The following MS4A8 variants were observed in gnomAD, a reference collection of about 807,000 sequenced individuals.
The protein encoded by MS4A8 is membrane spanning 4-domains A8.
In MS4A8, 27 loss-of-function variants were observed where a neutral mutation model predicts 23.7. That is an observed-to-expected ratio of 1.14 (90% CI 0.84 to 1.57). MS4A8 has a LOEUF of 1.57. Among genes scored for constraint, MS4A8 ranks in the 40% most tolerant of loss-of-function variants. The pLI is 0.00. For synonymous variants in MS4A8, 138 were observed against 126.3 expected, an observed-to-expected ratio of 1.09 and a Z score of -0.62; for missense variants, 301 against 311.4, an observed-to-expected ratio of 0.97 and a Z score of 0.25.
At chr11:60,704,919 C>T (rs2088243251) in intron 3 of MS4A8, among the ~76,000 whole-genome samples, 1 of 151,908 alleles carries the variant, frequency 6.6e-6, no homozygotes, top group African/African-American at 2.4e-5. Context: ...CCTTCTCCTC[C>T]CCTCTCCACC....
chr11:60,707,768 G>A (rs1490867987), intron 4 of MS4A8, among the ~76,000 whole-genome samples: 2 of 150,902 alleles, frequency 1.3e-5, no homozygotes, highest in Non-Finnish European at 3.0e-5. Flanking sequence ...GGGACAAATA[G>A]GTCAAGTGTT....
chr11:60,708,533 C>A, intron 4 of MS4A8, 117 bp from the exon 5 acceptor site: 1 of 1,062,486 alleles, frequency 9.4e-7, no homozygotes, highest in Non-Finnish European at 1.3e-6. Flanking sequence ...TTTTATGTTA[C>A]ATATATGTTA....
intron 5 of MS4A8, among the ~76,000 whole-genome samples, chr11:60,714,791 G>A (rs1441786259): frequency 6.6e-6 from 1 of 151,980 alleles, no homozygotes; most frequent in Non-Finnish European, 1.5e-5. Flanking sequence ...CCCTAAACAT[G>A]GTCATCTTTT....
rs2088199914 is a variant in MS4A8, at chr11:60,701,074, T to C, written c.214T>C (p.Leu72=). The C allele has an allele frequency of 1.9e-6, 3 of 1,613,976 alleles. No homozygotes were observed. The highest frequency in any genetic ancestry group is 2.5e-6 in the Non-Finnish European group (3 of 1,179,938). ...VQKALKEGKT[L]GAIQIIIGLA... ...GAAAGCTCTGAAAGAAGGCAAAACC[T>C]TGGGGGTAAGTGAGATTTCCCTTTG... is the stretch of plus-strand genomic sequence containing the variant. The change falls in exon 2 of 7, where the codon TTG becomes CTG. Residue 72 remains leucine, a synonymous_variant. Coordinates refer to ENST00000300226, the MANE Select transcript of MS4A8 (RefSeq NM_031457.2).
intron 2 of MS4A8, 67 bp from the exon 3 acceptor site, chr11:60,703,311 G>A (rs1206780315): frequency 1.4e-6 from 2 of 1,436,980 alleles, no homozygotes; most frequent in East Asian, 2.7e-5. Context: ...AAAATTAAAA[G>A]GAGGCTCATA....
At chr11:60,707,828 T>G (rs1415099764) in intron 4 of MS4A8, among the ~76,000 whole-genome samples, 1,667 of 138,564 alleles carry the variant, frequency 0.012, 32 homozygotes, top group African/African-American at 0.043. Context: ...TTTTTTTTTT[T>G]TTTTTTTGTG....
chr11:60,711,785 G>A, intron 5 of MS4A8: 1 of 455,982 alleles, frequency 2.2e-6, no homozygotes, highest in South Asian at 1.5e-5. Flanking sequence ...CTGGAGTAGA[G>A]GGAGCAGCAA....
intron 5 of MS4A8, among the ~76,000 whole-genome samples, chr11:60,712,998 G>A (rs971857593): frequency 6.6e-6 from 1 of 152,118 alleles, no homozygotes; most frequent in African/African-American, 2.4e-5. Context: ...TTGGGTAACA[G>A]CAAATGGAGG....
rs1004631172 is a variant in MS4A8 at position 60,712,548 on chromosome 11, C to T, written c.535-2473C>T. 1.1e-5 allele frequency: 11 copies of T among 960,696 alleles called. No homozygotes were observed. The Admixed American group carries it at 6.8e-4, about 59-fold the overall frequency. The allele number at this position is 960,696 out of a possible 1,614,324, so 59.5% of individuals were successfully genotyped here. A position where few individuals can be genotyped will look rare whatever the true frequency, so the allele number is the denominator to read the frequency against. On this transcript the variant is annotated intron_variant, in intron 5 of 6. Transcript: ENST00000300226. ...GTGGCTCACACCTGTAATCCCAGCA[C>T]TTTGGGAGACCGAGGCAGGTGGATC...
chr11:60,715,174 C>CA (rs35061730), intron 6 of MS4A8, 40 bp downstream of exon 6: 1 of 1,546,944 alleles, frequency 6.5e-7, no homozygotes, highest in South Asian at 1.1e-5. Context: ...AAGATGCCCC[C>CA]AAAAAGGTGG....
intron 3 of MS4A8, among the ~76,000 whole-genome samples, chr11:60,703,740 G>T (rs2052640096): frequency 6.6e-6 from 1 of 152,214 alleles, no homozygotes; most frequent in Non-Finnish European, 1.5e-5. Flanking sequence ...TTATCTCACA[G>T]TTCTGGCGGC....
intron 5 of MS4A8, among the ~76,000 whole-genome samples, chr11:60,714,579 G>A (rs1020816032): frequency 9.9e-5 from 15 of 151,988 alleles, no homozygotes; most frequent in Non-Finnish European, 4.4e-5. Context: ...TTCACAGGAG[G>A]CCTTTTCCTG....
intron 5 of MS4A8, among the ~76,000 whole-genome samples, chr11:60,710,440 A>G (rs1018392007): frequency 6.6e-6 from 1 of 152,148 alleles, no homozygotes; most frequent in African/African-American, 2.4e-5. Context: ...TGGAGTCGTC[A>G]TTGACCCTGT....
chr11:60,700,758 T>C lies in MS4A8; in HGVS notation c.-1-102T>C, dbSNP rs972301455. ...TTGTAACATGGGATTCATAAACTTG[T>C]AGAGGGTTAAGATGCTCCAATGAGC... On this transcript the variant is annotated intron_variant, in intron 1 of 6. Transcript: ENST00000300226. 8.1e-6 allele frequency: 9 copies of C among 1,114,044 alleles called. No homozygotes were observed. The African/African-American group carries it at 9.2e-5, about 11-fold the overall frequency. The allele number at this position is 1,114,044 out of a possible 1,614,324, so 69.0% of individuals were successfully genotyped here.
chr11:60,710,432 G>T lies in MS4A8; in HGVS notation c.534+1651G>T, dbSNP rs540156811. ...TCCAGTTGCTCGGGACAAAACCTTG[G>T]AGTCGTCATTGACCCTGTCTTTCTC... On this transcript the variant is annotated intron_variant, in intron 5 of 6. Transcript: ENST00000300226. Among the ~76,000 whole-genome samples, 3 of 152,228 alleles carry T rather than the reference G, an allele frequency of 2.0e-5. No homozygotes were observed. The South Asian group carries it at 6.2e-4, about 32-fold the overall frequency.
chr11:60,713,480 T>C, intron 5 of MS4A8, among the ~76,000 whole-genome samples: 1 of 152,224 alleles, frequency 6.6e-6, no homozygotes, highest in Non-Finnish European at 1.5e-5. Context: ...TGCTGTGCTT[T>C]TGATGTGCAT....
intron 5 of MS4A8, among the ~76,000 whole-genome samples, chr11:60,713,409 A>G (rs1390747422): frequency 6.6e-6 from 1 of 152,162 alleles, no homozygotes; most frequent in East Asian, 1.9e-4. Flanking sequence ...AGTGGAGAGA[A>G]GGTCAGAAGG....
chr11:60,700,111 C>T (rs1425343696), intron 1 of MS4A8, among the ~76,000 whole-genome samples: 1 of 152,174 alleles, frequency 6.6e-6, no homozygotes, highest in East Asian at 1.9e-4. Context: ...ATACCTGGGA[C>T]CTTGGAGGAT....
chr11:60,700,826 G>C, intron 1 of MS4A8, 34 bp from the exon 2 acceptor site: 1 of 1,610,990 alleles, frequency 6.2e-7, no homozygotes, highest in Non-Finnish European at 8.5e-7. Flanking sequence ...GTCCATATGT[G>C]AGGGAAAATT....
Sources: gnomAD v4.1 joint callset for allele counts (sites outside exome capture counted in the v4.1 genomes callset) on GRCh38, gnomAD v4.1.1 for gene constraint, MANE v1.5 for transcripts, NCBI Gene and HGNC (gene_info 2026-07-23, HGNC 2026-07-21) for gene names.